SHLD3: variants seen among roughly 807,000 people sequenced by gnomAD.
SHLD3 encodes shieldin complex subunit 3.
A neutral mutation model predicts 21.4 loss-of-function variants in SHLD3; 15 were observed. The ratio of observed to expected loss-of-function variants is 0.70; its 90% CI spans 0.47 to 1.08. SHLD3 has a LOEUF of 1.08. Among genes scored for constraint, SHLD3 ranks in the 50% least tolerant of loss-of-function variants. The pLI, the probability that SHLD3 is intolerant of heterozygous loss-of-function variation, is 0.00. For missense variants in SHLD3, 273 were observed against 286.1 expected, an observed-to-expected ratio of 0.95 and a Z score of 0.33; for synonymous variants, 103 against 97.2, an observed-to-expected ratio of 1.06 and a Z score of -0.35.
chr5:65,626,735 C>CA (rs1755252013), intron 1 of SHLD3, among the ~76,000 whole-genome samples: 1 of 152,070 alleles, frequency 6.6e-6, no homozygotes, highest in African/African-American at 2.4e-5. Flanking sequence ...GACTCCATCT[C>CA]AAAAAACAAA....
chr5:65,625,450 C>T (rs1755168754), intron 1 of SHLD3: 5 of 297,608 alleles, frequency 1.7e-5, no homozygotes, highest in Non-Finnish European at 2.5e-5. Flanking sequence ...CTTGTTTCTT[C>T]CTGTGGCACT....
At chr5:65,625,173 G>A (rs1432466421) in intron 1 of SHLD3, 67 bp downstream of exon 1, 1 of 1,297,398 alleles carries the variant, frequency 7.7e-7, no homozygotes, top group Non-Finnish European at 1.1e-6. Flanking sequence ...CGAAGCCTTT[G>A]CCATGTAGGC....
At chr5:65,627,131 C>CAAAAAAAAAAAAAAAAAA (rs60169195) in intron 1 of SHLD3, among the ~76,000 whole-genome samples, 29 of 32,574 alleles carry the variant, frequency 8.9e-4, no homozygotes, top group Non-Finnish European at 1.5e-3. Flanking sequence ...GACCCTGTCT[C>CAAAAAAAAAAAAAAAAAA]AAAAAAAAAA....
At chr5:65,627,545 A>G (rs958897040) in intron 1 of SHLD3, among the ~76,000 whole-genome samples, 1 of 151,734 alleles carries the variant, frequency 6.6e-6, no homozygotes, top group Non-Finnish European at 1.5e-5. Context: ...CACAAGAATC[A>G]CTTGACCCTG....
intron 1 of SHLD3, among the ~76,000 whole-genome samples, chr5:65,628,703 C>G (rs1026737474): frequency 6.6e-6 from 1 of 151,982 alleles, no homozygotes; most frequent in East Asian, 1.9e-4. Flanking sequence ...AGCTCCTGAC[C>G]TCGTGATCTG....
chr5:65,625,723 T>C (rs886100226), intron 1 of SHLD3, among the ~76,000 whole-genome samples: 1 of 152,214 alleles, frequency 6.6e-6, no homozygotes, highest in African/African-American at 2.4e-5. Flanking sequence ...CTTTTTTTTT[T>C]AGGACAATTT....
chr5:65,630,612 T>C lies in SHLD3; in HGVS notation c.*272T>C, dbSNP rs766204302. 579 of 1,073,344 alleles carry C rather than the reference T, an allele frequency of 5.4e-4. No individual in the cohort carries two copies. The highest frequency in any genetic ancestry group is 6.1e-4 in the Non-Finnish European group (540 of 887,032). The allele number at this position is 1,073,344 out of a possible 1,614,324, so 66.5% of individuals were successfully genotyped here. On this transcript the variant is annotated 3_prime_UTR_variant, in exon 2 of 2. Transcript: ENST00000510585. ...TAGTCATGAATTAAGTTGTATAGTT[T>C]GGATTTTGGTTAATCTCTAAAATCT...
chr5:65,627,490 C>T (rs1448240291), intron 1 of SHLD3, among the ~76,000 whole-genome samples: 3 of 151,954 alleles, frequency 2.0e-5, no homozygotes, highest in Non-Finnish European at 4.4e-5. Context: ...ATTAGCCAGG[C>T]GTGATGGTGT....
rs187442387 is a variant in SHLD3, at chr5:65,629,636, A to G, written c.49A>G (p.Thr17Ala). The change falls in exon 2 of 2, where the codon ACA (threonine) becomes GCA (alanine). Residue 17 changes from threonine to alanine, a missense_variant. By Grantham distance (58) the Thr-to-Ala change is moderately conservative (BLOSUM62 0). Transcript: ENST00000510585. ...LHYRPCESDP[T>A]QLPKIAEKAI... ...TTATCGACCATGTGAGAGTGATCCC[A>G]CACAACTGCCAAAAATTGCAGAAAA... The G allele has an allele frequency of 2.0e-6, 3 of 1,536,004 alleles. No homozygotes were observed. The highest frequency in any genetic ancestry group is 2.6e-6 in the Non-Finnish European group (3 of 1,146,852).
intron 1 of SHLD3, among the ~76,000 whole-genome samples, chr5:65,628,706 G>A (rs1339240511): frequency 1.3e-5 from 2 of 151,908 alleles, no homozygotes; most frequent in East Asian, 1.9e-4. Flanking sequence ...TCCTGACCTC[G>A]TGATCTGCCC....
At chr5:65,626,859 C>G (rs58664534) in intron 1 of SHLD3, among the ~76,000 whole-genome samples, 1 of 148,624 alleles carries the variant, frequency 6.7e-6, no homozygotes, top group East Asian at 2.0e-4. Context: ...TTTAAGCAGC[C>G]TAAGCCAGGC....
rs751925540 is a variant in SHLD3 at position 65,630,673 on chromosome 5, A to AT, written c.*339dup. 2 of 1,003,622 alleles carry AT rather than the reference A, an allele frequency of 2.0e-6. No individual in the cohort carries two copies. Among genetic ancestry groups the AT allele is most frequent in the African/African-American group, 3.5e-5 (2 of 57,940 alleles). 62.2% of individuals were successfully genotyped at this position (1,003,622 alleles called of 1,614,324 possible). A position where few individuals can be genotyped will look rare whatever the true frequency, so the allele number is the denominator to read the frequency against. The stretch of plus-strand genomic sequence containing the variant: ...TATTTTTTTCCTTACCTCAAGTGTA[A>AT]TTTTTTAAAAAATAAAACTCGAAAC... On this transcript the variant is annotated 3_prime_UTR_variant, in exon 2 of 2. Coordinates refer to ENST00000510585, the MANE Select transcript of SHLD3 (RefSeq NM_001365341.2).
intron 1 of SHLD3, among the ~76,000 whole-genome samples, chr5:65,627,559 G>A (rs936530852): frequency 6.6e-6 from 1 of 151,952 alleles, no homozygotes; most frequent in Non-Finnish European, 1.5e-5. Flanking sequence ...GACCCTGGGA[G>A]GCGAAGGTTG....
Position 65,629,381 on chromosome 5 carries a change from T to C in SHLD3, c.-120-87T>C, listed in dbSNP as rs1299727916. 5 of 1,051,754 alleles carry C rather than the reference T, an allele frequency of 4.8e-6. No homozygotes were observed. In the South Asian group the frequency reaches 1.6e-4, roughly 33 times the overall value. 65.2% of individuals were successfully genotyped at this position (1,051,754 alleles called of 1,614,324 possible). A position where few individuals can be genotyped will look rare whatever the true frequency, so the allele number is the denominator to read the frequency against. The stretch of plus-strand genomic sequence containing the variant: ...TAAAATACCACATTGGGATTGGTTT[T>C]TGTTTTTTGTTTTTCCTTTTCTCCC... On this transcript the variant is annotated intron_variant, in intron 1 of 1. Coordinates refer to ENST00000510585, the MANE Select transcript of SHLD3 (RefSeq NM_001365341.2).
chr5:65,628,357 A>G (rs957417913), intron 1 of SHLD3, among the ~76,000 whole-genome samples: 1 of 152,212 alleles, frequency 6.6e-6, no homozygotes, highest in African/African-American at 2.4e-5. Context: ...GTTAAACCAT[A>G]TTAGCAAAGT....
intron 1 of SHLD3, among the ~76,000 whole-genome samples, chr5:65,627,334 A>C (rs912005661): frequency 6.9e-6 from 1 of 144,728 alleles, no homozygotes; most frequent in African/African-American, 2.4e-5. Flanking sequence ...TGGTCATTTA[A>C]GTTCACTTTA....
rs1205175021 is a variant in SHLD3 at position 65,630,049 on chromosome 5, T to C, written c.462T>C (p.Asp154=). The change falls in exon 2 of 2, where the codon GAT becomes GAC. Residue 154 remains aspartate (D), a synonymous_variant. Coordinates refer to ENST00000510585, the MANE Select transcript of SHLD3 (RefSeq NM_001365341.2). ...CTCCTTTGTCTAAAAAATTGCAAGA[T>C]AGTTTAAAGGCACTAAATTTACACT... The part of the protein sequence containing the change: ...NVSPLSKKLQ[D]SLKALNLHSL... 4 of 1,535,966 alleles carry C rather than the reference T, an allele frequency of 2.6e-6. No individual in the cohort carries two copies. In the African/African-American group the frequency reaches 5.5e-5, roughly 21 times the overall value.
At chr5:65,627,833 T>G (rs1220411883) in intron 1 of SHLD3, among the ~76,000 whole-genome samples, 2 of 152,190 alleles carry the variant, frequency 1.3e-5, no homozygotes, top group Non-Finnish European at 2.9e-5. Flanking sequence ...ATTTATGAAT[T>G]TGAGAGTTGT....
chr5:65,627,943 G>T (rs1284271315), intron 1 of SHLD3, among the ~76,000 whole-genome samples: 1 of 152,140 alleles, frequency 6.6e-6, no homozygotes, highest in Non-Finnish European at 1.5e-5. Flanking sequence ...ATGATGACAA[G>T]AATCCATACT....
Sources: allele counts gnomAD v4.1 joint callset (sites outside exome capture counted in the v4.1 genomes callset), GRCh38; gene constraint gnomAD v4.1.1; transcripts MANE v1.5; gene names NCBI Gene and HGNC (gene_info 2026-07-23, HGNC 2026-07-21).